Variants in BRF1 observed in about 807,000 individuals in gnomAD.
BRF1 encodes BRF1 general transcription factor IIIB subunit.
BRF1 carries 59 observed loss-of-function variants against 81.7 expected under a neutral mutation model. The observed-to-expected ratio is 0.72, with a 90% CI of 0.59 to 0.90. The LOEUF is 0.90. Ranked by LOEUF, BRF1 falls within the 40% of genes least tolerant of loss-of-function variation. BRF1 has a pLI of 0.00. For synonymous variants in BRF1, 491 were observed against 395.6 expected (o/e 1.24, Z -2.86); for missense variants, 1,050 against 936.3 (o/e 1.12, Z -1.58).
At chr14:105,307,149 A>C (rs1361556707) in intron 1 of BRF1, among the ~76,000 whole-genome samples, 1 of 150,968 alleles carries the variant, frequency 6.6e-6, no homozygotes, top group Non-Finnish European at 1.5e-5. Flanking sequence ...GGCTCAAGAG[A>C]TCCTTTGGCC....
In BRF1 at chr14:105,273,025, A is replaced by T. The variant is rs2056725762; in HGVS notation, c.266-131T>A. 5.8e-6 allele frequency: 6 copies of T among 1,036,002 alleles called. 1 individual carries two copies. Among genetic ancestry groups the T allele is most frequent in the Middle Eastern group, 5.4e-4 (2 of 3,736 alleles). The allele number at this position is 1,036,002 out of a possible 1,614,324, so 64.2% of individuals were successfully genotyped here. A position where few individuals can be genotyped will look rare whatever the true frequency, so the allele number is the denominator to read the frequency against. ...TTGTAAGTTTCTGAGCTCACTTTTT[A>T]TATGTGGGTTCCAATCACTTTTTAT... On this transcript the variant is annotated intron_variant, in intron 2 of 17. Coordinates refer to ENST00000547530, the MANE Select transcript of BRF1 (RefSeq NM_001519.4).
chr14:105,288,640 T>C (rs1256046463), intron 1 of BRF1, among the ~76,000 whole-genome samples: 1 of 147,632 alleles, frequency 6.8e-6, no homozygotes, highest in Middle Eastern at 3.2e-3. Flanking sequence ...TTTCTTTCTT[T>C]TTTTTTTTTT....
chr14:105,300,994 G>A lies in BRF1; in HGVS notation c.-365C>T, dbSNP rs996139020. The A allele has an allele frequency of 6.5e-6, 1 of 153,322 alleles. No homozygotes were observed. The highest frequency in any genetic ancestry group is 1.5e-5 in the Non-Finnish European group (1 of 68,672). The allele number at this position is 153,322 out of a possible 1,614,324, so 9.5% of individuals were successfully genotyped here. A position where few individuals can be genotyped will look rare whatever the true frequency, so the allele number is the denominator to read the frequency against. Reference sequence around the variant, plus strand: ...GGGGCCTACCGGTGAGCGCAGCCGAGGACTGGCGCTTGGGGGCGGGGCCAC... The same window carrying A: ...GGGGCCTACCGGTGAGCGCAGCCGAAGACTGGCGCTTGGGGGCGGGGCCAC... On this transcript the variant is annotated 5_prime_UTR_variant, in exon 1 of 18. Coordinates refer to ENST00000547530, the MANE Select transcript of BRF1 (RefSeq NM_001519.4).
At chr14:105,228,024 C>T (rs1452639317) in intron 7 of BRF1, 1 of 152,150 alleles carries the variant, frequency 6.6e-6, no homozygotes, top group Non-Finnish European at 1.5e-5. Context: ...CAAATACCAC[C>T]CAGCAAAGCC....
chr14:105,297,638 A>G lies in BRF1; in HGVS notation c.184+2808T>C, dbSNP rs76621268. Among the ~76,000 whole-genome samples, 44 of 152,292 alleles carry G rather than the reference A, an allele frequency of 2.9e-4. No individual in the cohort carries two copies. The East Asian group carries it at 7.9e-3, about 27-fold the overall frequency. On this transcript the variant is annotated intron_variant, in intron 1 of 17. Transcript: ENST00000547530. ...TATCAAGAGGTTTAATGCAATTCCAATGAAAACCCCACCAGGACTTTTGTA... is the reference window on the plus strand; with the variant it reads ...TATCAAGAGGTTTAATGCAATTCCAGTGAAAACCCCACCAGGACTTTTGTA...
intron 7 of BRF1, chr14:105,227,509 C>A (rs1396461299): frequency 1.3e-5 from 2 of 152,412 alleles, no homozygotes; most frequent in East Asian, 3.8e-4. Context: ...AGGCCTTGCC[C>A]CTCGGCGCCC....
intron 3 of BRF1, among the ~76,000 whole-genome samples, chr14:105,257,521 C>T (rs2055941034): frequency 6.6e-6 from 1 of 152,180 alleles, no homozygotes; most frequent in Non-Finnish European, 1.5e-5. Flanking sequence ...CAGGGGCATT[C>T]CGACACAGAG....
chr14:105,290,089 C>CATAT (rs587740019), intron 1 of BRF1, among the ~76,000 whole-genome samples: 56 of 152,270 alleles, frequency 3.7e-4, no homozygotes, highest in African/African-American at 1.3e-3. Flanking sequence ...ATAAATAACT[C>CATAT]ATATAACACT....
At chr14:105,263,068 A>C (rs1329246771) in intron 3 of BRF1, among the ~76,000 whole-genome samples, 1 of 151,916 alleles carries the variant, frequency 6.6e-6, no homozygotes, top group Non-Finnish European at 1.5e-5. Context: ...GTGAAACCCT[A>C]TCTCTACTAA....
At chr14:105,219,482 C>T in intron 12 of BRF1, 1 of 731,278 alleles carries the variant, frequency 1.4e-6, no homozygotes, top group Non-Finnish European at 2.1e-6. Context: ...GCTTGCAAGC[C>T]CTGCCGGCAC....
chr14:105,262,015 T>G (rs1053425941), intron 3 of BRF1, among the ~76,000 whole-genome samples: 5 of 152,192 alleles, frequency 3.3e-5, no homozygotes, highest in African/African-American at 1.2e-4. Flanking sequence ...CGAAGCTCCG[T>G]GTAGAGCAGT....
intron 6 of BRF1, among the ~76,000 whole-genome samples, chr14:105,229,680 G>A (rs111654474): frequency 2.0e-5 from 3 of 148,674 alleles, no homozygotes; most frequent in Non-Finnish European, 3.0e-5. Flanking sequence ...ACCCTCAGGA[G>A]CAACAACCTA....
intron 4 of BRF1, among the ~76,000 whole-genome samples, chr14:105,252,966 T>A (rs1028656247): frequency 6.6e-6 from 1 of 152,224 alleles, no homozygotes; most frequent in Non-Finnish European, 1.5e-5. Context: ...CAGATTCCGA[T>A]GGGCCCAGGG....
chr14:105,216,608 G>A (rs1342784146), intron 15 of BRF1, among the ~76,000 whole-genome samples: 1 of 152,178 alleles, frequency 6.6e-6, no homozygotes, highest in African/African-American at 2.4e-5. Flanking sequence ...GCAGGGGCAG[G>A]GCCACAGCAC....
intron 3 of BRF1, among the ~76,000 whole-genome samples, chr14:105,263,918 C>T (rs1267896097): frequency 6.9e-6 from 1 of 144,118 alleles, no homozygotes; most frequent in Admixed American, 7.0e-5. Context: ...GAGTGAGACT[C>T]TGTCTCAAAA....
Position 105,226,052 on chromosome 14 carries a change from G to C in BRF1, c.1048+17C>G. 1.2e-6 allele frequency: 2 copies of C among 1,608,778 alleles called. No homozygotes were observed. Among genetic ancestry groups the C allele is most frequent in the East Asian group, 2.2e-5 (1 of 44,876 alleles). ...CATTTTAAAGGTCTGAATAGGGGCC[G>C]GGCACAGTGGACTCACCATCTTTTG... On this transcript the variant is annotated intron_variant, in intron 10 of 17. Coordinates refer to ENST00000547530, the MANE Select transcript of BRF1 (RefSeq NM_001519.4).
At chr14:105,303,597 C>T (rs981785847), upstream of BRF1, among the ~76,000 whole-genome samples, 14 of 152,052 alleles carry the variant, frequency 9.2e-5, no homozygotes, top group African/African-American at 2.9e-4. Flanking sequence ...ATCTCTTTTC[C>T]TTTATAAATA....
At chr14:105,212,423 C>A in intron 15 of BRF1, 1 of 473,186 alleles carries the variant, frequency 2.1e-6, no homozygotes, top group African/African-American at 2.0e-5. Context: ...CGCTCCCCAG[C>A]CCACTCCCCT....
chr14:105,265,382 G>A (rs186222986), intron 3 of BRF1, among the ~76,000 whole-genome samples: 4 of 152,186 alleles, frequency 2.6e-5, no homozygotes, highest in African/African-American at 4.8e-5. Flanking sequence ...AAAATAATCT[G>A]GATAAACACA....
Sources: gnomAD v4.1 joint callset for allele counts (sites outside exome capture counted in the v4.1 genomes callset) on GRCh38, gnomAD v4.1.1 for gene constraint, MANE v1.5 for transcripts, NCBI Gene and HGNC (gene_info 2026-07-23, HGNC 2026-07-21) for gene names.